The following FGF14 variants were observed in gnomAD, a reference collection of about 807,000 sequenced individuals.
FGF14 encodes the protein fibroblast growth factor 14.
FGF14 carries 5 observed loss-of-function variants against 25.5 expected under a neutral mutation model. The ratio of observed to expected loss-of-function variants is 0.20; its 90% CI spans 0.10 to 0.41. The LOEUF is 0.41. FGF14 is among the 10% of genes least tolerant of loss of function. FGF14 has a pLI of 1.00. For synonymous variants in FGF14, 138 were observed against 118.3 expected (o/e 1.17, Z -1.08); for missense variants, 222 against 320.1 (o/e 0.69, Z 2.34).
chr13:101,898,246 T>C (rs1202318495), intron 1 of FGF14, among the ~76,000 whole-genome samples: 1 of 151,524 alleles, frequency 6.6e-6, no homozygotes, highest in Admixed American at 6.6e-5. Context: ...GTGCAAATAT[T>C]CAAAAATATT....
chr13:101,822,961 CAT>C (rs1022596496), intron 3 of FGF14, among the ~76,000 whole-genome samples: 2 of 152,160 alleles, frequency 1.3e-5, no homozygotes, highest in African/African-American at 2.4e-5. Flanking sequence ...AGCTCCCACA[CAT>C]GTGTGACAAC....
intron 3 of FGF14, among the ~76,000 whole-genome samples, chr13:101,843,840 G>C (rs1202528042): frequency 1.3e-5 from 2 of 151,952 alleles, no homozygotes; most frequent in African/African-American, 2.4e-5. Context: ...CATGTAAAGA[G>C]AGCTCTGTCA....
chr13:102,066,639 T>C (rs560120677), intron 1 of FGF14, among the ~76,000 whole-genome samples: 1 of 152,348 alleles, frequency 6.6e-6, no homozygotes, highest in Admixed American at 6.5e-5. Flanking sequence ...TCAAACAGTG[T>C]TTCCAAAGTT....
rs533036389 is a variant in FGF14 at position 102,374,381 on chromosome 13, C to A, written c.208+27090G>T. Among the ~76,000 whole-genome samples the A allele has an allele frequency of 2.0e-5, 3 of 151,472 alleles. No individual in the cohort carries two copies. In the South Asian group the frequency reaches 6.2e-4, roughly 32 times the overall value. On this transcript the variant is annotated intron_variant, in intron 1 of 4. Coordinates refer to the FGF14 transcript ENST00000376131. ...CATTTATTAATGAGTAAGCCAGAGTCAGATTTTTTTGGAACTTACAATTCA... is the reference window on the plus strand; with the variant it reads ...CATTTATTAATGAGTAAGCCAGAGTAAGATTTTTTTGGAACTTACAATTCA...
At position 102,224,292 on chromosome 13, in the gene FGF14, G is replaced by A. The variant is rs572403486; in HGVS notation, c.208+177179C>T. Among the ~76,000 whole-genome samples, 102 of 152,242 alleles carry A rather than the reference G, an allele frequency of 6.7e-4. 1 individual carries two copies. The South Asian group carries it at 0.011, about 16-fold the overall frequency. ...TTGCAGGGCTTGCAAAGAAACACCA[G>A]ATTAAAGGAATTTTTAGTGTAAAAA... is the stretch of plus-strand genomic sequence containing the variant. On this transcript the variant is annotated intron_variant, in intron 1 of 4. Coordinates refer to the FGF14 transcript ENST00000376131.
At chr13:102,301,681 G>C (rs2055061482) in intron 1 of FGF14, among the ~76,000 whole-genome samples, 1 of 152,068 alleles carries the variant, frequency 6.6e-6, no homozygotes, top group South Asian at 2.1e-4. Flanking sequence ...GAGCACACCT[G>C]AGGGGAAACA....
intron 1 of FGF14, among the ~76,000 whole-genome samples, chr13:102,005,194 T>C (rs1048375734): frequency 2.0e-5 from 3 of 152,222 alleles, no homozygotes; most frequent in Non-Finnish European, 4.4e-5. Flanking sequence ...CTTTAGTACC[T>C]GTTTTCCACA....
intron 1 of FGF14, among the ~76,000 whole-genome samples, chr13:102,240,773 G>A (rs970440042): frequency 3.3e-5 from 5 of 152,046 alleles, no homozygotes; most frequent in African/African-American, 1.2e-4. Context: ...AGAATAACAT[G>A]TAAATTCCAG....
intron 1 of FGF14, among the ~76,000 whole-genome samples, chr13:101,929,865 AC>A (rs1271416810): frequency 6.6e-6 from 1 of 152,170 alleles, no homozygotes; most frequent in Non-Finnish European, 1.5e-5. Flanking sequence ...CTGACTTTTC[AC>A]AAGGAGCATG....
At chr13:102,205,926 T>C (rs1249080388) in intron 1 of FGF14, among the ~76,000 whole-genome samples, 6 of 134,672 alleles carry the variant, frequency 4.5e-5, no homozygotes, top group Non-Finnish European at 9.2e-5. Flanking sequence ...TGGGGTGACG[T>C]GGACCAGTCA....
chr13:102,099,043 G>A (rs1405418011), intron 1 of FGF14, among the ~76,000 whole-genome samples: 1 of 152,176 alleles, frequency 6.6e-6, no homozygotes, highest in Admixed American at 6.5e-5. Flanking sequence ...GGATATAACA[G>A]TGAGGGGCAG....
chr13:102,161,231 G>A (rs1386050983), intron 1 of FGF14, among the ~76,000 whole-genome samples: 2 of 152,064 alleles, frequency 1.3e-5, no homozygotes, highest in Non-Finnish European at 2.9e-5. Flanking sequence ...AATAAATTAA[G>A]GAGAAAGAAA....
At chr13:102,256,371 C>A (rs531285816) in intron 1 of FGF14, among the ~76,000 whole-genome samples, 1 of 152,118 alleles carries the variant, frequency 6.6e-6, no homozygotes, top group South Asian at 2.1e-4. Context: ...TGGTGGGACA[C>A]ATTGTAGTCC....
intron 1 of FGF14, among the ~76,000 whole-genome samples, chr13:102,086,866 T>C (rs1303086082): frequency 6.6e-6 from 1 of 152,220 alleles, no homozygotes; most frequent in Non-Finnish European, 1.5e-5. Context: ...ATTAGGCTTT[T>C]AAAACTTTCC....
chr13:102,369,835 A>C (rs971370685), intron 1 of FGF14, among the ~76,000 whole-genome samples: 1 of 152,232 alleles, frequency 6.6e-6, no homozygotes, highest in Admixed American at 6.5e-5. Flanking sequence ...TGGAACAAGA[A>C]AGTCCTTACA....
At chr13:102,277,426 C>G (rs1391492574) in intron 1 of FGF14, among the ~76,000 whole-genome samples, 1 of 152,226 alleles carries the variant, frequency 6.6e-6, no homozygotes, top group Non-Finnish European at 1.5e-5. Flanking sequence ...CAGGCAAGAG[C>G]AGCATGCTGG....
chr13:102,020,935 G>A (rs2040614118), intron 1 of FGF14, among the ~76,000 whole-genome samples: 1 of 151,586 alleles, frequency 6.6e-6, no homozygotes, highest in South Asian at 2.1e-4. Flanking sequence ...AAAAAAAAAG[G>A]CTGAAGAATG....
intron 1 of FGF14, among the ~76,000 whole-genome samples, chr13:102,051,526 C>A (rs1225992400): frequency 6.6e-6 from 1 of 152,178 alleles, no homozygotes; most frequent in South Asian, 2.1e-4. Flanking sequence ...CATAACTTCC[C>A]CACTGTGAGA....
chr13:101,774,969 CAAAAA>C (rs1213093814), intron 3 of FGF14, among the ~76,000 whole-genome samples: 1 of 54,406 alleles, frequency 1.8e-5, no homozygotes, highest in Non-Finnish European at 4.2e-5. Flanking sequence ...AACTCCATCT[CAAAAA>C]AAAAAAAAAA....
Sources: allele counts gnomAD v4.1 joint callset (sites outside exome capture counted in the v4.1 genomes callset), GRCh38; gene constraint gnomAD v4.1.1; transcripts MANE v1.5; gene names NCBI Gene and HGNC (gene_info 2026-07-23, HGNC 2026-07-21).